CDKAL1: variants seen among roughly 807,000 people sequenced by gnomAD.
The protein encoded by CDKAL1 is CDKAL1 threonylcarbamoyladenosine tRNA methylthiotransferase, also known as threonylcarbamoyladenosine tRNA methylthiotransferase.
Under a neutral mutation model 68.2 loss-of-function variants are expected in CDKAL1, and 32 were observed. That is an observed-to-expected ratio of 0.47 (90% CI 0.35 to 0.63). CDKAL1 has a LOEUF of 0.63. Ranked by LOEUF, CDKAL1 falls within the 30% of genes least tolerant of loss-of-function variation. The pLI is 0.00. For missense variants in CDKAL1, 606 were observed against 696.7 expected, an observed-to-expected ratio of 0.87 and a Z score of 1.47; for synonymous variants, 234 against 244.3, an observed-to-expected ratio of 0.96 and a Z score of 0.39.
chr6:20,687,615 T>C (rs1770685855), intron 5 of CDKAL1, among the ~76,000 whole-genome samples: 1 of 152,186 alleles, frequency 6.6e-6, no homozygotes, highest in Non-Finnish European at 1.5e-5. Flanking sequence ...CACAGCTCAC[T>C]GCAGCCTCGA....
At chr6:20,839,764 A>G (rs1054472848) in intron 8 of CDKAL1, among the ~76,000 whole-genome samples, 3 of 151,888 alleles carry the variant, frequency 2.0e-5, no homozygotes, top group Non-Finnish European at 2.9e-5. Flanking sequence ...CCTGACTTCC[A>G]TTTCCCTGCT....
chr6:21,059,925 C>A (rs1316763942), intron 11 of CDKAL1, among the ~76,000 whole-genome samples: 1 of 152,164 alleles, frequency 6.6e-6, no homozygotes, highest in Non-Finnish European at 1.5e-5. Flanking sequence ...CACCCTCCCC[C>A]TTCTGAGTCT....
chr6:20,912,341 T>A (rs1762502986), intron 9 of CDKAL1, among the ~76,000 whole-genome samples: 1 of 152,162 alleles, frequency 6.6e-6, no homozygotes, highest in African/African-American at 2.4e-5. Flanking sequence ...GCATCCTGGG[T>A]TAAGGAGCCA....
chr6:20,886,532 A>G (rs919090079), intron 9 of CDKAL1, among the ~76,000 whole-genome samples: 7 of 152,246 alleles, frequency 4.6e-5, no homozygotes, highest in Non-Finnish European at 7.3e-5. Flanking sequence ...TATTGGATGT[A>G]TGCAAAATTT....
At chr6:21,206,077 C>T (rs575234321) in intron 15 of CDKAL1, among the ~76,000 whole-genome samples, 5 of 151,980 alleles carry the variant, frequency 3.3e-5, no homozygotes, top group Admixed American at 6.6e-5. Context: ...GTGATCCGCC[C>T]GCCTTAGCCT....
chr6:20,992,820 T>C (rs1766904696), intron 10 of CDKAL1, among the ~76,000 whole-genome samples: 1 of 151,400 alleles, frequency 6.6e-6, no homozygotes, highest in Non-Finnish European at 1.5e-5. Flanking sequence ...GAGGATCACT[T>C]GAGGTGAGGA....
intron 8 of CDKAL1, among the ~76,000 whole-genome samples, chr6:20,802,309 CAACAACAATAATAAT>C (rs1484365829): frequency 3.5e-5 from 5 of 142,356 alleles, no homozygotes; most frequent in South Asian, 2.3e-4. Flanking sequence ...AAAACAACAA[CAACAACAATAATAAT>C]AATAATAATA....
chr6:21,088,963 T>C (rs1023858504), intron 12 of CDKAL1, among the ~76,000 whole-genome samples: 4 of 151,910 alleles, frequency 2.6e-5, no homozygotes, highest in Non-Finnish European at 4.4e-5. Context: ...AAAATAAAAT[T>C]AGTATGATAT....
intron 11 of CDKAL1, among the ~76,000 whole-genome samples, chr6:21,045,384 G>T (rs1770168752): frequency 6.6e-6 from 1 of 152,118 alleles, no homozygotes; most frequent in South Asian, 2.1e-4. Context: ...CATAGTTTGG[G>T]ACATGAGCAT....
chr6:21,167,818 A>G (rs1777213005), intron 13 of CDKAL1, among the ~76,000 whole-genome samples: 1 of 152,234 alleles, frequency 6.6e-6, no homozygotes, highest in African/African-American at 2.4e-5. Context: ...GCCTTACTCA[A>G]GGAGACACAA....
At chr6:20,856,763 GT>G (rs1216853444) in intron 9 of CDKAL1, among the ~76,000 whole-genome samples, 1 of 152,174 alleles carries the variant, frequency 6.6e-6, no homozygotes, top group African/African-American at 2.4e-5. Context: ...CTGCAAGTTG[GT>G]TTTGGAAGGT....
intron 8 of CDKAL1, among the ~76,000 whole-genome samples, chr6:20,802,283 C>T (rs1034332333): frequency 3.1e-4 from 46 of 147,946 alleles, no homozygotes; most frequent in African/African-American, 1.1e-3. Context: ...GGCAACAAAG[C>T]AAGACTCCGT....
intron 5 of CDKAL1, among the ~76,000 whole-genome samples, chr6:20,678,672 C>G (rs961791717): frequency 2.0e-5 from 3 of 152,032 alleles, no homozygotes; most frequent in Non-Finnish European, 2.9e-5. Context: ...TTTCCAAGAA[C>G]CTATTGATGG....
At position 20,679,478 on chromosome 6, in the gene CDKAL1, A is replaced by G. The variant is rs7756992; in HGVS notation, c.371+30101A>G. 0.37 allele frequency among the ~76,000 whole-genome samples: 56,440 copies of G among 152,020 alleles called. 11,801 individuals carry two copies. Among genetic ancestry groups the G allele is most frequent in the African/African-American group, 0.56 (23,339 of 41,436 alleles). ...ATATTCCCCCCTGTATTTTAGTTTT[A>G]GATCTACAGTTATGTAGCAATGAGC... On this transcript the variant is annotated intron_variant, in intron 5 of 15. Transcript: ENST00000274695.
chr6:20,672,830 G>A (rs923305681), intron 5 of CDKAL1, among the ~76,000 whole-genome samples: 12 of 152,066 alleles, frequency 7.9e-5, no homozygotes, highest in Non-Finnish European at 1.0e-4. Context: ...AGGCTGGACT[G>A]CAATGGCACG....
At chr6:20,804,158 G>T (rs1440809297) in intron 8 of CDKAL1, among the ~76,000 whole-genome samples, 1 of 152,122 alleles carries the variant, frequency 6.6e-6, no homozygotes, top group Non-Finnish European at 1.5e-5. Context: ...TAACTTGAAT[G>T]GTTTAAGAAT....
At chr6:20,896,103 C>CCT (rs1554137250) in intron 9 of CDKAL1, among the ~76,000 whole-genome samples, 1 of 90,148 alleles carries the variant, frequency 1.1e-5, no homozygotes, top group Non-Finnish European at 2.2e-5. Flanking sequence ...CTTTTCTTTT[C>CCT]TTTTTTTTTT....
intron 10 of CDKAL1, among the ~76,000 whole-genome samples, chr6:20,992,297 C>T (rs1024369595): frequency 2.3e-4 from 35 of 151,764 alleles, no homozygotes; most frequent in Non-Finnish European, 3.4e-4. Context: ...TCTCAAACTC[C>T]TGACCTCAAG....
At chr6:20,823,544 A>G (rs891522203) in intron 8 of CDKAL1, among the ~76,000 whole-genome samples, 1 of 152,180 alleles carries the variant, frequency 6.6e-6, no homozygotes, top group Admixed American at 6.6e-5. Context: ...TGCTCATTTA[A>G]TTTTACATAA....
Sources: gnomAD v4.1 joint callset for allele counts (sites outside exome capture counted in the v4.1 genomes callset) on GRCh38, gnomAD v4.1.1 for gene constraint, MANE v1.5 for transcripts, NCBI Gene and HGNC (gene_info 2026-07-23, HGNC 2026-07-21) for gene names.